The following MGLL variants were observed in gnomAD, a reference collection of about 807,000 sequenced individuals.
The protein encoded by MGLL is lysophospholipase homolog.
A neutral mutation model predicts 29.1 loss-of-function variants in MGLL; 7 were observed. That is an observed-to-expected ratio of 0.24 (90% CI 0.14 to 0.45). The LOEUF (loss-of-function observed/expected upper bound fraction) is 0.45, where lower values mean the gene tolerates loss of function less well. Among genes scored for constraint, MGLL ranks in the 20% least tolerant of loss-of-function variants. The probability of loss-of-function intolerance (pLI) is 0.99; values close to 1 mark genes in which losing one functional copy is unlikely to be tolerated. For synonymous variants in MGLL, 148 were observed against 168.3 expected (o/e 0.88, Z 0.93); for missense variants, 356 against 413.6 (o/e 0.86, Z 1.21).
intron 3 of MGLL, among the ~76,000 whole-genome samples, chr3:127,769,506 G>A (rs139048898): frequency 6.6e-5 from 10 of 152,350 alleles, no homozygotes; most frequent in East Asian, 1.9e-4. Flanking sequence ...ACCCTGTGAC[G>A]GAGGTAGTGC....
intron 3 of MGLL, among the ~76,000 whole-genome samples, chr3:127,779,404 G>T (rs937159481): frequency 6.6e-6 from 1 of 152,062 alleles, no homozygotes; most frequent in Non-Finnish European, 1.5e-5. Flanking sequence ...TAAAAGCTAT[G>T]TTGGAAAGAA....
At chr3:127,772,250 G>A (rs376392814) in intron 3 of MGLL, among the ~76,000 whole-genome samples, 109 of 152,316 alleles carry the variant, frequency 7.2e-4, no homozygotes, top group African/African-American at 2.5e-3. Context: ...TCAAGGCCTC[G>A]TCTGTCTGGT....
At chr3:127,702,999 C>T (rs932850920) in intron 6 of MGLL, among the ~76,000 whole-genome samples, 1 of 152,184 alleles carries the variant, frequency 6.6e-6, no homozygotes, top group Non-Finnish European at 1.5e-5. Context: ...CCATCCAGCC[C>T]TAGCATCCAC....
chr3:127,710,508 G>T, intron 6 of MGLL, 68 bp downstream of exon 6: 2 of 1,361,676 alleles, frequency 1.5e-6, no homozygotes, highest in Non-Finnish European at 2.1e-6. Flanking sequence ...CAAGGCTGGA[G>T]CCAAAACTCT....
intron 3 of MGLL, chr3:127,736,317 C>T (rs909166196): frequency 2.0e-6 from 2 of 985,698 alleles, no homozygotes; most frequent in Non-Finnish European, 2.4e-6. Flanking sequence ...TTTTAGAAAG[C>T]CTGGGTGATA....
At chr3:127,812,917 C>A (rs73862360) in intron 2 of MGLL, among the ~76,000 whole-genome samples, 4,306 of 152,218 alleles carry the variant, frequency 0.028, 199 homozygotes, top group African/African-American at 0.098. Flanking sequence ...TCTGCATGCA[C>A]CATTGGCTTT....
At chr3:127,716,718 G>A (rs484061) in intron 5 of MGLL, among the ~76,000 whole-genome samples, 70,340 of 152,132 alleles carry the variant, frequency 0.46, 16,486 homozygotes, top group Non-Finnish European at 0.51. Flanking sequence ...CATGAGGAAG[G>A]CAATTACAGA....
At chr3:127,803,791 T>C (rs1253157774) in intron 2 of MGLL, among the ~76,000 whole-genome samples, 1 of 152,198 alleles carries the variant, frequency 6.6e-6, no homozygotes, top group Non-Finnish European at 1.5e-5. Context: ...AGGAAAACAT[T>C]ACTCATTCCC....
chr3:127,820,332 AG>A (rs1474737002), intron 2 of MGLL, among the ~76,000 whole-genome samples: 12 of 152,146 alleles, frequency 7.9e-5, no homozygotes, highest in Admixed American at 7.9e-4. Context: ...CCGCAGGCGA[AG>A]GGAGGGCAGG....
intron 3 of MGLL, among the ~76,000 whole-genome samples, chr3:127,751,475 T>C (rs2076557601): frequency 6.6e-6 from 1 of 151,658 alleles, no homozygotes; most frequent in Non-Finnish European, 1.5e-5. Context: ...AGACACATCC[T>C]AGTCACCTCT....
intron 2 of MGLL, among the ~76,000 whole-genome samples, chr3:127,812,129 T>C (rs1576319942): frequency 1.3e-5 from 2 of 152,348 alleles, no homozygotes; most frequent in African/African-American, 4.8e-5. Flanking sequence ...AAGACTGGAA[T>C]ACCTTAAGAC....
At chr3:127,696,363 C>T (rs2107582703) in intron 6 of MGLL, among the ~76,000 whole-genome samples, 1 of 144,748 alleles carries the variant, frequency 6.9e-6, no homozygotes, top group South Asian at 2.2e-4. Flanking sequence ...ATCTCTCAGG[C>T]CCATAGAGGG....
At chr3:127,736,037 C>A in intron 3 of MGLL, 1 of 1,374,516 alleles carries the variant, frequency 7.3e-7, no homozygotes, top group Non-Finnish European at 9.4e-7. Context: ...TTTATTTTCC[C>A]TTGAAAACAT....
intron 3 of MGLL, among the ~76,000 whole-genome samples, chr3:127,744,328 T>A (rs2076400623): frequency 6.6e-6 from 1 of 152,220 alleles, no homozygotes; most frequent in African/African-American, 2.4e-5. Flanking sequence ...AGCAAGATGA[T>A]CTTCCTTTTG....
intron 3 of MGLL, among the ~76,000 whole-genome samples, chr3:127,760,735 G>T (rs1407276125): frequency 6.6e-6 from 1 of 152,238 alleles, no homozygotes; most frequent in Non-Finnish European, 1.5e-5. Flanking sequence ...CTGCGGCTCT[G>T]CACCCCAAAG....
chr3:127,759,223 C>G (rs1016812331), intron 3 of MGLL, among the ~76,000 whole-genome samples: 1 of 152,220 alleles, frequency 6.6e-6, no homozygotes, highest in African/African-American at 2.4e-5. Flanking sequence ...CTGCGCCCGG[C>G]CCTGGCAGCT....
chr3:127,694,881 G>A, intron 7 of MGLL, 94 bp downstream of exon 7: 3 of 1,226,216 alleles, frequency 2.4e-6, no homozygotes, highest in South Asian at 1.2e-5. Flanking sequence ...CTGGGAGGTG[G>A]CCCTCGAGGG....
intron 2 of MGLL, among the ~76,000 whole-genome samples, chr3:127,793,963 C>T (rs895304100): frequency 1.3e-5 from 2 of 152,180 alleles, no homozygotes; most frequent in African/African-American, 4.8e-5. Context: ...TTAAGACTAT[C>T]GTCTATGATG....
At chr3:127,734,036 G>C (rs558068682) in intron 3 of MGLL, among the ~76,000 whole-genome samples, 1 of 152,350 alleles carries the variant, frequency 6.6e-6, no homozygotes, top group South Asian at 2.1e-4. Context: ...GGAGGCCCAG[G>C]TCTGAAGTAG....
Sources: allele counts gnomAD v4.1 joint callset (sites outside exome capture counted in the v4.1 genomes callset), GRCh38; gene constraint gnomAD v4.1.1; transcripts MANE v1.5; gene names NCBI Gene and HGNC (gene_info 2026-07-23, HGNC 2026-07-21).